The following CEP350 variants were observed in gnomAD, a reference collection of about 807,000 sequenced individuals.
CEP350 encodes the protein centrosomal protein 350, also known as centrosome-associated protein 350.
A neutral mutation model predicts 331.8 loss-of-function variants in CEP350; 126 were observed. That is an observed-to-expected ratio of 0.38 (90% CI 0.33 to 0.44). The LOEUF is 0.44. Ranked by LOEUF, CEP350 falls within the 20% of genes least tolerant of loss-of-function variation. The pLI, the probability that CEP350 is intolerant of heterozygous loss-of-function variation, is 1.00. For missense variants in CEP350, 3,406 were observed against 3,634.6 expected, an observed-to-expected ratio of 0.94 and a Z score of 1.62; for synonymous variants, 1,200 against 1,259.5, an observed-to-expected ratio of 0.95 and a Z score of 1.00.
In CEP350 at chr1:179,996,869, C is replaced by T. The variant is rs1407871551; in HGVS notation, c.712C>T (p.Leu238Phe). 1 of 1,613,866 alleles carries T rather than the reference C, an allele frequency of 6.2e-7. No homozygotes were observed. The highest frequency in any genetic ancestry group is 8.5e-7 in the Non-Finnish European group (1 of 1,179,776). Residue 238 changes from leucine to phenylalanine, a missense_variant, in exon 6 of 38, where the codon CTT becomes TTT. Transcript: ENST00000367607. ...RTKGSENNLK[L>F]SVNNMAHDTD... is the part of the protein sequence containing the mutation. ...AAAAGGAAGTGAGAATAATTTGAAG[C>T]TTTCTGTGAATAACATGGCCCATGA...
At chr1:179,975,168 G>A (rs1039497361) in intron 1 of CEP350, among the ~76,000 whole-genome samples, 1 of 152,054 alleles carries the variant, frequency 6.6e-6, no homozygotes, top group African/African-American at 2.4e-5. Context: ...AAGACAATGT[G>A]GAGATAATGA....
At position 180,098,852 on chromosome 1, in the gene CEP350, T is replaced by C. The variant is rs762472927; in HGVS notation, c.9067-11T>C. On this transcript the variant is annotated splice_polypyrimidine_tract_variant and intron_variant, in intron 36 of 37. Coordinates refer to ENST00000367607, the MANE Select transcript of CEP350 (RefSeq NM_014810.5). ...TTGTTTGTGTTTCGTGTATTTGTCT[T>C]GTTTCCACAGAGCTTCATAGCAAGT... is the stretch of plus-strand genomic sequence containing the variant. The C allele has an allele frequency of 3.1e-6, 5 of 1,610,458 alleles. No homozygotes were observed. In the South Asian group the frequency reaches 4.4e-5, roughly 14 times the overall value.
At chr1:179,998,508 G>A (rs1490241995) in intron 6 of CEP350, among the ~76,000 whole-genome samples, 3 of 151,638 alleles carry the variant, frequency 2.0e-5, no homozygotes, top group Admixed American at 6.6e-5. Flanking sequence ...ATTTCAACAT[G>A]TTGGCCAGGC....
chr1:180,020,329 A>T lies in CEP350; in HGVS notation c.2555A>T (p.Asn852Ile), dbSNP rs1056316282. ...EAKKLAGASI[N>I]YGSAWNTEYD... The stretch of plus-strand genomic sequence containing the variant: ...AAGAAATTAGCTGGGGCCAGCATTA[A>T]CTATGGGTCAGCATGGAACACTGAG... The change falls in exon 12 of 38, where the codon AAC becomes ATC. Residue 852 changes from asparagine (N) to isoleucine (I), a missense_variant. Asn to Ile is a moderately radical substitution (Grantham distance 149). Coordinates refer to ENST00000367607, the MANE Select transcript of CEP350 (RefSeq NM_014810.5). The T allele has an allele frequency of 3.7e-6, 6 of 1,613,834 alleles. No individual in the cohort carries two copies. Among genetic ancestry groups the T allele is most frequent in the Admixed American group, 1.7e-5 (1 of 60,002 alleles).
chr1:180,078,144 A>G (rs918808649), intron 28 of CEP350, among the ~76,000 whole-genome samples: 2 of 152,186 alleles, frequency 1.3e-5, no homozygotes, highest in African/African-American at 4.8e-5. Flanking sequence ...AAAAAAAAAA[A>G]AATTACATGA....
At chr1:179,958,006 T>C (rs1349839850) in intron 1 of CEP350, among the ~76,000 whole-genome samples, 3 of 152,194 alleles carry the variant, frequency 2.0e-5, no homozygotes, top group African/African-American at 7.2e-5. Context: ...AGGGGCGATA[T>C]CTCATGCATA....
intron 14 of CEP350, among the ~76,000 whole-genome samples, chr1:180,025,475 C>T (rs897921789): frequency 2.0e-5 from 3 of 152,120 alleles, no homozygotes; most frequent in Admixed American, 2.0e-4. Flanking sequence ...CATTTCTACT[C>T]TTGGCTTAAA....
intron 1 of CEP350, among the ~76,000 whole-genome samples, chr1:179,977,386 G>T (rs1437584448): frequency 6.6e-6 from 1 of 152,160 alleles, no homozygotes; most frequent in African/African-American, 2.4e-5. Context: ...GTTGAAGGAA[G>T]ATGAACATGG....
At chr1:179,975,303 G>A (rs1346544291) in intron 1 of CEP350, among the ~76,000 whole-genome samples, 1 of 152,140 alleles carries the variant, frequency 6.6e-6, no homozygotes, top group Non-Finnish European at 1.5e-5. Context: ...AGGTCTCCAA[G>A]TGTCCATCAT....
rs1655413822 is a variant in CEP350 at position 180,022,803 on chromosome 1, C to T, written c.3341C>T (p.Pro1114Leu). The T allele has an allele frequency of 6.2e-7, 1 of 1,601,942 alleles. No individual in the cohort carries two copies. The highest frequency in any genetic ancestry group is 1.7e-5 in the Admixed American group (1 of 58,070). Residue 1114 changes from proline to leucine, a missense_variant, in exon 13 of 38, where the codon CCA (proline) becomes CTA (leucine). Physicochemically the swap from Pro to Leu is moderately conservative, Grantham distance 98. This residue lies in a region of CEP350 where 1,857 missense variants were observed against 1,909.2 expected (regional missense o/e 0.97). Coordinates refer to ENST00000367607, the MANE Select transcript of CEP350 (RefSeq NM_014810.5). ...TATGAAGATGATTTTGTCTCCTCTC[C>T]AGGGACTGGGACTTCGACAGAAAAA... ...VSYEDDFVSS[P>L]GTGTSTEKKS... is the part of the protein sequence containing the mutation.
chr1:179,969,026 C>T, intron 1 of CEP350: 1 of 750,164 alleles, frequency 1.3e-6, no homozygotes, highest in Non-Finnish European at 2.4e-6. Context: ...GTTTGACCAC[C>T]AGCCTCAAAC....
At chr1:180,037,416 T>G (rs993801964) in intron 17 of CEP350, among the ~76,000 whole-genome samples, 4 of 151,646 alleles carry the variant, frequency 2.6e-5, no homozygotes, top group Non-Finnish European at 5.9e-5. Flanking sequence ...TGAGGGTTTT[T>G]TTTTTTTTTT....
chr1:179,961,687 T>C (rs1264701321), intron 1 of CEP350, among the ~76,000 whole-genome samples: 2 of 152,142 alleles, frequency 1.3e-5, no homozygotes, highest in African/African-American at 4.8e-5. Flanking sequence ...TAGACTACGC[T>C]TTAGCTTTTA....
At chr1:180,018,278 C>T (rs1271500207) in intron 11 of CEP350, among the ~76,000 whole-genome samples, 1 of 152,060 alleles carries the variant, frequency 6.6e-6, no homozygotes, top group African/African-American at 2.4e-5. Context: ...CTCAGCCTCC[C>T]AAGTAGCTAG....
chr1:180,084,377 A>T (rs1034054370), intron 31 of CEP350, 199 bp downstream of exon 31: 30 of 397,988 alleles, frequency 7.5e-5, no homozygotes, highest in African/African-American at 6.3e-4. Flanking sequence ...TTATTTATTT[A>T]TTTTTGAGAT....
chr1:180,065,325 C>T, intron 27 of CEP350, 53 bp downstream of exon 27: 1 of 1,494,180 alleles, frequency 6.7e-7, no homozygotes. Context: ...AGTAGTACAA[C>T]AAATAACATT....
At chr1:180,004,918 T>G (rs989382342) in intron 7 of CEP350, among the ~76,000 whole-genome samples, 31 of 67,290 alleles carry the variant, frequency 4.6e-4, no homozygotes, top group South Asian at 1.2e-3. Flanking sequence ...TTTCTTTCTT[T>G]CTTTCTTTCT....
intron 25 of CEP350, among the ~76,000 whole-genome samples, chr1:180,057,290 G>C (rs1050219855): frequency 6.6e-6 from 1 of 151,582 alleles, no homozygotes; most frequent in East Asian, 1.9e-4. Flanking sequence ...TAGTAGAGAC[G>C]GGGTTTCACC....
intron 34 of CEP350, among the ~76,000 whole-genome samples, 176 bp downstream of exon 34, chr1:180,094,792 T>G (rs540178071): frequency 6.6e-6 from 1 of 152,266 alleles, no homozygotes; most frequent in South Asian, 2.1e-4. Flanking sequence ...CTTGTAGCTG[T>G]TTTTCCTGGC....
Sources: gnomAD v4.1 joint callset for allele counts (sites outside exome capture counted in the v4.1 genomes callset) on GRCh38, gnomAD v4.1.1 for gene constraint, gnomAD v4.1.1 regional missense constraint, MANE v1.5 for transcripts, NCBI Gene and HGNC (gene_info 2026-07-23, HGNC 2026-07-21) for gene names.